PPCDC: variants seen among roughly 807,000 people sequenced by gnomAD.
PPCDC encodes the protein phosphopantothenoylcysteine decarboxylase.
In PPCDC, 20 loss-of-function variants were observed where a neutral mutation model predicts 20.7. The observed-to-expected ratio is 0.97, with a 90% CI of 0.68 to 1.41. The LOEUF is 1.41. Ranked by LOEUF, PPCDC falls within the 40% of genes most tolerant of loss-of-function variation. The probability of loss-of-function intolerance (pLI) is 0.00; values close to 1 mark genes in which losing one functional copy is unlikely to be tolerated. For synonymous variants in PPCDC, 88 were observed against 100.3 expected (o/e 0.88, Z 0.73); for missense variants, 246 against 263.8 (o/e 0.93, Z 0.47).
chr15:75,049,142 G>C lies in PPCDC; in HGVS notation c.530-8G>C, dbSNP rs200740294. The C allele has an allele frequency of 5.3e-4, 860 of 1,613,854 alleles. 3 individuals carry two copies. Among genetic ancestry groups the C allele is most frequent in the Middle Eastern group, 2.0e-3 (12 of 6,002 alleles). On this transcript the variant is annotated splice_region_variant and splice_polypyrimidine_tract_variant and intron_variant, in intron 5 of 5. Transcript: ENST00000342932. ...GCCTGTCTGGCCACAGCGGAATTTTGCTCCCAGGTCTCGGGGCCATGGCTG... is the reference window on the plus strand; with the variant it reads ...GCCTGTCTGGCCACAGCGGAATTTTCCTCCCAGGTCTCGGGGCCATGGCTG...
chr15:75,034,418 T>C (rs2066061317), intron 2 of PPCDC, among the ~76,000 whole-genome samples: 1 of 152,082 alleles, frequency 6.6e-6, no homozygotes, highest in East Asian at 1.9e-4. Context: ...GCCCCCACCA[T>C]ATAAGAGGCT....
chr15:75,035,413 G>A (rs970497623), intron 2 of PPCDC, among the ~76,000 whole-genome samples: 2 of 152,162 alleles, frequency 1.3e-5, no homozygotes, highest in African/African-American at 2.4e-5. Flanking sequence ...TGCCCCAGAC[G>A]TAGCCTGGCC....
At chr15:75,026,614 G>T (rs894786518) in intron 1 of PPCDC, among the ~76,000 whole-genome samples, 4 of 152,254 alleles carry the variant, frequency 2.6e-5, no homozygotes, top group Non-Finnish European at 5.9e-5. Flanking sequence ...CAAGGGGCCT[G>T]TGAGTGAAGA....
intron 2 of PPCDC, among the ~76,000 whole-genome samples, chr15:75,039,464 T>G (rs34835684): frequency 0.32 from 48,054 of 151,938 alleles, 8,880 homozygotes; most frequent in East Asian, 0.6. Flanking sequence ...TTGGCTGCCT[T>G]GGGTGGGAAG....
chr15:75,032,124 A>T (rs1472181756), intron 2 of PPCDC, among the ~76,000 whole-genome samples: 1 of 152,134 alleles, frequency 6.6e-6, no homozygotes, highest in Non-Finnish European at 1.5e-5. Context: ...CCAAAGCCGC[A>T]TATTATGGGG....
At chr15:75,043,238 C>T (rs942892349) in intron 2 of PPCDC, 4 of 523,260 alleles carry the variant, frequency 7.6e-6, no homozygotes, top group African/African-American at 2.0e-5. Flanking sequence ...GTGAAACAGC[C>T]ACACCTGATA....
rs1297489195 is a variant in PPCDC at position 75,043,514 on chromosome 15, A to G, written c.209A>G (p.Tyr70Cys). The G allele has an allele frequency of 6.2e-7, 1 of 1,611,126 alleles. No individual in the cohort carries two copies. The highest frequency in any genetic ancestry group is 8.5e-7 in the Non-Finnish European group (1 of 1,178,692). ...CCCCAGGACATTCCTGTCACCCTCT[A>G]CAGCGACGCTGATGAATGGGAGGTC... ...YSPQDIPVTLYSDADEWEIWK... is the reference protein window; with the variant it reads ...YSPQDIPVTLCSDADEWEIWK... Residue 70 changes from tyrosine to cysteine, a missense_variant, in exon 3 of 6, where the codon TAC (tyrosine) becomes TGC (cysteine). Tyr to Cys is a radical substitution (Grantham distance 194, BLOSUM62 -2). Coordinates refer to ENST00000342932, the MANE Select transcript of PPCDC (RefSeq NM_021823.5).
At chr15:75,048,288 C>T (rs1567068465) in intron 4 of PPCDC, among the ~76,000 whole-genome samples, 1 of 152,188 alleles carries the variant, frequency 6.6e-6, no homozygotes, top group Non-Finnish European at 1.5e-5. Context: ...CTGGAGGAGG[C>T]TTAGGCACAG....
At chr15:75,040,800 C>A (rs2066144178) in intron 2 of PPCDC, among the ~76,000 whole-genome samples, 1 of 152,104 alleles carries the variant, frequency 6.6e-6, no homozygotes. Context: ...ATAGCTGGGA[C>A]TACAGGCGCA....
At chr15:75,028,705 G>A (rs928526282) in intron 2 of PPCDC, among the ~76,000 whole-genome samples, 1 of 152,096 alleles carries the variant, frequency 6.6e-6, no homozygotes, top group African/African-American at 2.4e-5. Context: ...CCCAGTGAAC[G>A]GAGGGTTTGG....
At chr15:75,035,963 CA>C (rs11306068) in intron 2 of PPCDC, among the ~76,000 whole-genome samples, 63,139 of 105,026 alleles carry the variant, frequency 0.6, 17,132 homozygotes, top group Middle Eastern at 0.71. Context: ...GACTGTGTCT[CA>C]AAAAAAAAAA....
At chr15:75,024,926 G>A (rs1199622239) in intron 1 of PPCDC, among the ~76,000 whole-genome samples, 4 of 148,324 alleles carry the variant, frequency 2.7e-5, no homozygotes, top group Non-Finnish European at 4.5e-5. Context: ...TTTTTTTGTG[G>A]TACTATTATT....
intron 2 of PPCDC, 84 bp from the exon 3 acceptor site, chr15:75,043,357 C>A: frequency 8.2e-7 from 1 of 1,222,184 alleles, no homozygotes; most frequent in Non-Finnish European, 1.2e-6. Context: ...CCTGCCTGCC[C>A]TGACCCTCCT....
chr15:75,025,943 C>G (rs893068955), intron 1 of PPCDC, among the ~76,000 whole-genome samples: 7 of 152,218 alleles, frequency 4.6e-5, no homozygotes, highest in African/African-American at 1.7e-4. Context: ...CACATACACA[C>G]ACACACCCTC....
At chr15:75,044,233 A>G (rs1029692659) in intron 3 of PPCDC, among the ~76,000 whole-genome samples, 153 bp from the exon 4 acceptor site, 7 of 152,252 alleles carry the variant, frequency 4.6e-5, no homozygotes, top group African/African-American at 1.7e-4. Context: ...CTCCATGGCT[A>G]GCGCTCGCCA....
At chr15:75,026,842 C>T (rs1435775082) in intron 1 of PPCDC, among the ~76,000 whole-genome samples, 2 of 152,108 alleles carry the variant, frequency 1.3e-5, no homozygotes, top group Non-Finnish European at 2.9e-5. Context: ...ATCATCTGGT[C>T]CTACCTCTGC....
At chr15:75,029,853 G>A (rs370420978) in intron 2 of PPCDC, among the ~76,000 whole-genome samples, 1 of 152,174 alleles carries the variant, frequency 6.6e-6, no homozygotes, top group African/African-American at 2.4e-5. Flanking sequence ...GTGAGTTTCC[G>A]GACTAGGGGT....
intron 2 of PPCDC, among the ~76,000 whole-genome samples, chr15:75,034,500 G>C (rs992073736): frequency 1.3e-5 from 2 of 152,112 alleles, no homozygotes; most frequent in African/African-American, 4.8e-5. Flanking sequence ...AACTCCCTTG[G>C]GGGTTTTGTT....
At chr15:75,048,152 C>T (rs527406042) in intron 4 of PPCDC, among the ~76,000 whole-genome samples, 1 of 152,270 alleles carries the variant, frequency 6.6e-6, no homozygotes, top group Non-Finnish European at 1.5e-5. Context: ...TAGTTGGCCT[C>T]GGAGAGCTGA....
Sources: gnomAD v4.1 joint callset for allele counts (sites outside exome capture counted in the v4.1 genomes callset) on GRCh38, gnomAD v4.1.1 for gene constraint, MANE v1.5 for transcripts, NCBI Gene and HGNC (gene_info 2026-07-23, HGNC 2026-07-21) for gene names.